The following AGPAT3 variants were observed in gnomAD, a reference collection of about 807,000 sequenced individuals.
AGPAT3 encodes the protein 1-acyl-sn-glycerol-3-phosphate acyltransferase gamma.
Under a neutral mutation model 47.3 loss-of-function variants are expected in AGPAT3, and 5 were observed. That is an observed-to-expected ratio of 0.11 (90% CI 0.06 to 0.22). The LOEUF is 0.22. Ranked by LOEUF, AGPAT3 falls within the 10% of genes least tolerant of loss-of-function variation. AGPAT3 has a pLI of 1.00. For missense variants in AGPAT3, 315 were observed against 493.0 expected (o/e 0.64, Z 3.42); for synonymous variants, 212 against 208.3 (o/e 1.02, Z -0.15).
intron 1 of AGPAT3, chr21:43,867,277 G>A (rs1485429120): frequency 2.0e-5 from 3 of 152,216 alleles, no homozygotes; most frequent in Admixed American, 6.5e-5. Flanking sequence ...TTACATCCCT[G>A]GAACTCCCAC....
At chr21:43,883,987 C>T (rs1056622508) in intron 1 of AGPAT3, among the ~76,000 whole-genome samples, 12 of 152,154 alleles carry the variant, frequency 7.9e-5, no homozygotes, top group Non-Finnish European at 1.5e-4. Flanking sequence ...GCCTCAGCCT[C>T]CCAAAGTGCT....
At chr21:43,962,006 T>C (rs1220424087) in intron 3 of AGPAT3, among the ~76,000 whole-genome samples, 1 of 150,742 alleles carries the variant, frequency 6.6e-6, no homozygotes, top group African/African-American at 2.4e-5. Flanking sequence ...TTTTTCTCTT[T>C]TTTTTTTTTT....
At chr21:43,887,242 C>A (rs1420625775) in intron 1 of AGPAT3, among the ~76,000 whole-genome samples, 1 of 152,242 alleles carries the variant, frequency 6.6e-6, no homozygotes, top group Admixed American at 6.5e-5. Flanking sequence ...TGGCCCCAAG[C>A]CTGAAATATT....
intron 2 of AGPAT3, among the ~76,000 whole-genome samples, chr21:43,924,287 A>G (rs1255509204): frequency 2.0e-5 from 3 of 151,796 alleles, no homozygotes; most frequent in Non-Finnish European, 4.4e-5. Flanking sequence ...GGCCTCCCAA[A>G]GTGCTGGGAT....
Position 43,981,053 on chromosome 21 carries a change from G to A in AGPAT3, c.908G>A (p.Arg303Gln), listed in dbSNP as rs774410323. 1.9e-6 allele frequency: 3 copies of A among 1,614,148 alleles called. No individual in the cohort carries two copies. Among genetic ancestry groups the A allele is most frequent in the African/African-American group, 1.3e-5 (1 of 75,028 alleles). ...MFPGEQFKPA[R>Q]RPWTLLNFLS... The stretch of plus-strand genomic sequence containing the variant: ...CCAGGGGAGCAGTTTAAGCCTGCCC[G>A]GAGGCCGTGGACCCTCCTGAACTTC... Residue 303 changes from arginine (R) to glutamine (Q), a missense_variant, in exon 9 of 10, where the codon CGG becomes CAG. Physicochemically the swap from Arg to Gln is conservative, Grantham distance 43 (BLOSUM62 1). Transcript: ENST00000291572. This position sits in a 1 kb window ranked among gnomAD's most constrained non-coding sequence, Gnocchi z 5.3.
At chr21:43,957,795 C>T (rs757938741) in intron 2 of AGPAT3, among the ~76,000 whole-genome samples, 51 of 151,412 alleles carry the variant, frequency 3.4e-4, no homozygotes, top group African/African-American at 1.2e-3. Context: ...ATGGGGGTCT[C>T]GGGTTTTCCC....
chr21:43,944,627 A>G (rs2087803019), intron 2 of AGPAT3, among the ~76,000 whole-genome samples: 1 of 152,218 alleles, frequency 6.6e-6, no homozygotes, highest in South Asian at 2.1e-4. Context: ...CAGACAGGAG[A>G]TGCATGTGCC....
At chr21:43,866,642 A>G (rs1389760345) in intron 1 of AGPAT3, 2 of 151,922 alleles carry the variant, frequency 1.3e-5, no homozygotes, top group East Asian at 1.9e-4. Flanking sequence ...GCCTGTTACA[A>G]CTCGCTTCTT....
Position 43,970,640 on chromosome 21 carries a change from G to A in AGPAT3, c.511-13G>A, listed in dbSNP as rs753631701. The A allele has an allele frequency of 1.5e-5, 24 of 1,613,034 alleles. No individual in the cohort carries two copies. The highest frequency in any genetic ancestry group is 7.7e-5 in the South Asian group (7 of 91,014). On this transcript the variant is annotated splice_polypyrimidine_tract_variant and intron_variant, in intron 5 of 9. Transcript: ENST00000291572. This position sits in a 1 kb window ranked among gnomAD's most constrained non-coding sequence, Gnocchi z 5.8. Reference sequence around the variant, plus strand: ...TGCTCTGTGGAGTGACCCTGTCTCCGTGTTGATCCTAGTTTCTCCTGTACT... The same window carrying A: ...TGCTCTGTGGAGTGACCCTGTCTCCATGTTGATCCTAGTTTCTCCTGTACT...
At chr21:43,898,964 C>T (rs2086290305) in intron 1 of AGPAT3, among the ~76,000 whole-genome samples, 1 of 152,066 alleles carries the variant, frequency 6.6e-6, no homozygotes, top group Non-Finnish European at 1.5e-5. Context: ...GATCCTTGTG[C>T]CTTGGCCTCC....
chr21:43,928,049 C>T (rs1160187177), intron 2 of AGPAT3, among the ~76,000 whole-genome samples: 1 of 152,246 alleles, frequency 6.6e-6, no homozygotes, highest in Non-Finnish European at 1.5e-5. Context: ...GACGTGGCAC[C>T]TGCTGCCCCG....
chr21:43,908,984 G>A lies in AGPAT3; in HGVS notation c.-49+4965G>A, dbSNP rs114545721. Among the ~76,000 whole-genome samples, 740 of 152,332 alleles carry A rather than the reference G, an allele frequency of 4.9e-3. 4 individuals are homozygous for A. The highest frequency in any genetic ancestry group is 0.016 in the African/African-American group (675 of 41,566). On this transcript the variant is annotated intron_variant, in intron 2 of 9. Coordinates refer to ENST00000291572, the MANE Select transcript of AGPAT3 (RefSeq NM_020132.5). This position sits in a 1 kb window ranked among gnomAD's most constrained non-coding sequence, Gnocchi z 4.9. Reference sequence around the variant, plus strand: ...CCCTGTCACAGCCAGCCCTGCCCTGGAGAGAGAGGCCACTGGGAAAAACCC... The same window carrying A: ...CCCTGTCACAGCCAGCCCTGCCCTGAAGAGAGAGGCCACTGGGAAAAACCC...
At chr21:43,904,577 C>T (rs746770297) in intron 2 of AGPAT3, among the ~76,000 whole-genome samples, 2 of 152,136 alleles carry the variant, frequency 1.3e-5, no homozygotes, top group Non-Finnish European at 1.5e-5. Flanking sequence ...CTGGGGGACG[C>T]GCTCCTCAGG....
intron 1 of AGPAT3, among the ~76,000 whole-genome samples, chr21:43,888,765 C>T (rs1448858598): frequency 6.6e-6 from 1 of 152,138 alleles, no homozygotes; most frequent in East Asian, 1.9e-4. Context: ...CCAAGGCGAG[C>T]GGATCATGAG....
chr21:43,901,796 A>G (rs1048758889), intron 1 of AGPAT3, among the ~76,000 whole-genome samples: 5 of 152,122 alleles, frequency 3.3e-5, no homozygotes, highest in Non-Finnish European at 5.9e-5. Context: ...ACCCAAATAA[A>G]TCTTCTAGAA....
chr21:43,982,417 C>T lies in AGPAT3; in HGVS notation c.*25C>T, dbSNP rs766018830. On this transcript the variant is annotated 3_prime_UTR_variant, in exon 10 of 10. Coordinates refer to ENST00000291572, the MANE Select transcript of AGPAT3 (RefSeq NM_020132.5). This position sits in a 1 kb window ranked among gnomAD's most constrained non-coding sequence, Gnocchi z 6.2. ...ATTAATGGCTGTGACTGAACACACG[C>T]GGCCCTGACGGTGGTATCCAGTTAA... 1.3e-5 allele frequency: 20 copies of T among 1,541,210 alleles called. No homozygotes were observed. The highest frequency in any genetic ancestry group is 7.8e-5 in the South Asian group (7 of 89,238).
intron 2 of AGPAT3, among the ~76,000 whole-genome samples, chr21:43,953,138 C>T (rs2088281156): frequency 6.6e-6 from 1 of 152,176 alleles, no homozygotes; most frequent in Admixed American, 6.5e-5. Context: ...GGGCACGCCG[C>T]AGAGAGCTGC....
chr21:43,975,942 C>T (rs987726399), intron 7 of AGPAT3, among the ~76,000 whole-genome samples: 4 of 150,600 alleles, frequency 2.7e-5, no homozygotes, highest in African/African-American at 7.3e-5. Flanking sequence ...TGCTCCCTTA[C>T]GGAAGCGACT....
intron 1 of AGPAT3, among the ~76,000 whole-genome samples, chr21:43,894,726 C>G (rs1020895401): frequency 4.6e-5 from 7 of 152,216 alleles, no homozygotes; most frequent in African/African-American, 1.7e-4. Context: ...CTCTTCCTCT[C>G]TGCCCCTGAT....
Sources: allele counts gnomAD v4.1 joint callset (sites outside exome capture counted in the v4.1 genomes callset), GRCh38; gene constraint gnomAD v4.1.1; non-coding constraint Gnocchi (gnomAD v3.1); transcripts MANE v1.5; gene names NCBI Gene and HGNC (gene_info 2026-07-23, HGNC 2026-07-21).